NAA11: variants seen among roughly 807,000 people sequenced by gnomAD.
The protein encoded by NAA11 is N-alpha-acetyltransferase 11.
A neutral mutation model predicts 16.1 loss-of-function variants in NAA11; 15 were observed. The ratio of observed to expected loss-of-function variants is 0.93; its 90% CI spans 0.62 to 1.44. The LOEUF is 1.44. Ranked by LOEUF, NAA11 falls within the 40% of genes most tolerant of loss-of-function variation. NAA11 has a pLI of 0.00. For synonymous variants in NAA11, 122 were observed against 112.4 expected, an observed-to-expected ratio of 1.09 and a Z score of -0.54; for missense variants, 298 against 291.3, an observed-to-expected ratio of 1.02 and a Z score of -0.17.
chr4:79,293,182 A>G (rs909968046), intron 2 of NAA11, among the ~76,000 whole-genome samples: 11 of 152,126 alleles, frequency 7.2e-5, no homozygotes, highest in African/African-American at 2.7e-4. Context: ...ACTAAAGTAG[A>G]CCTCATTTAA....
rs140778402 is a variant in NAA11, at chr4:79,244,990, C to T, written c.*123-18720G>A. ...CTCGGCTCGCTAAAACCTCCACCTC[C>T]CAGCCACCTGCCCTGGCCTCCCAAA... On this transcript the variant is annotated intron_variant and NMD_transcript_variant, in intron 2 of 2. Transcript: ENST00000511542. 7.9e-3 allele frequency: 1,339 copies of T among 168,896 alleles called. 25 individuals are homozygous for T. The highest frequency in any genetic ancestry group is 0.03 in the African/African-American group (1,268 of 41,778). 10.5% of individuals were successfully genotyped at this position (168,896 alleles called of 1,614,324 possible).
At chr4:79,157,872 A>G in the NAA11 span, among the ~76,000 whole-genome samples, 1 of 151,638 alleles carries the variant, frequency 6.6e-6, no homozygotes, top group Non-Finnish European at 1.5e-5. Context: ...GTAAAGAAGA[A>G]GTCAAACTGT....
intron 2 of NAA11, among the ~76,000 whole-genome samples, chr4:79,250,822 G>C (rs977802086): frequency 6.6e-6 from 1 of 152,146 alleles, no homozygotes; most frequent in Non-Finnish European, 1.5e-5. Flanking sequence ...CTTGAAAAGA[G>C]AGTTTTCAAA....
chr4:79,200,399 G>A, the NAA11 span, among the ~76,000 whole-genome samples: 1 of 151,750 alleles, frequency 6.6e-6, no homozygotes, highest in Non-Finnish European at 1.5e-5. Flanking sequence ...AGGGAAGAAG[G>A]CATTCAGCAA....
intron 2 of NAA11, among the ~76,000 whole-genome samples, chr4:79,292,666 G>T (rs1286580740): frequency 6.6e-6 from 1 of 152,196 alleles, no homozygotes; most frequent in Non-Finnish European, 1.5e-5. Flanking sequence ...GGCTTTTCCA[G>T]ATGGGAATTA....
the NAA11 span, among the ~76,000 whole-genome samples, chr4:79,164,585 T>A: frequency 6.6e-6 from 1 of 152,164 alleles, no homozygotes; most frequent in African/African-American, 2.4e-5. Flanking sequence ...TGGGAAACAC[T>A]GCTAAACAGC....
rs575159698 is a variant in NAA11 at position 79,325,900 on chromosome 4, G to T, written c.-23C>A. ...CATAATGGCAGAGGGTAGGGAACCG[G>T]TTGGACTGCAGTGAACCCAGAAGAG... On this transcript the variant is annotated 5_prime_UTR_variant, in exon 1 of 2. Coordinates refer to ENST00000286794, the MANE Select transcript of NAA11 (RefSeq NM_032693.3). 6.3e-7 allele frequency: 1 copy of T among 1,585,792 alleles called. No individual in the cohort carries two copies. The highest frequency in any genetic ancestry group is 1.7e-5 in the Admixed American group (1 of 58,388).
At chr4:79,320,657 T>A (rs1724063947) in intron 1 of NAA11, among the ~76,000 whole-genome samples, 1 of 152,238 alleles carries the variant, frequency 6.6e-6, no homozygotes. Flanking sequence ...GTTTTCATAG[T>A]GTGAAGAGCA....
chr4:79,179,365 G>A, the NAA11 span, among the ~76,000 whole-genome samples: 1 of 151,994 alleles, frequency 6.6e-6, no homozygotes, highest in Non-Finnish European at 1.5e-5. Flanking sequence ...ATAAGATATG[G>A]TAAAGCTATT....
At chr4:79,324,482 T>C (rs746014310) in intron 1 of NAA11, among the ~76,000 whole-genome samples, 13 of 152,218 alleles carry the variant, frequency 8.5e-5, no homozygotes, top group Non-Finnish European at 1.3e-4. Context: ...GTGCCATTTA[T>C]TTGTTGAAGA....
At chr4:79,264,178 C>T (rs1372494054) in intron 2 of NAA11, among the ~76,000 whole-genome samples, 1 of 152,160 alleles carries the variant, frequency 6.6e-6, no homozygotes, top group African/African-American at 2.4e-5. Flanking sequence ...TAAACTGTTA[C>T]TAGTCTGTGA....
At chr4:79,243,970 G>A (rs947081749) in intron 2 of NAA11, among the ~76,000 whole-genome samples, 13 of 152,194 alleles carry the variant, frequency 8.5e-5, no homozygotes, top group South Asian at 2.1e-4. Context: ...TTGAGCATGC[G>A]CAGTGTGTTT....
At chr4:79,231,856 A>G (rs925050295) in intron 2 of NAA11, among the ~76,000 whole-genome samples, 17 of 151,780 alleles carry the variant, frequency 1.1e-4, no homozygotes, top group Non-Finnish European at 2.5e-4. Context: ...AATCCTGAAT[A>G]TGGAACATTT....
chr4:79,256,676 G>A (rs1241144045), intron 2 of NAA11, among the ~76,000 whole-genome samples: 1 of 72,036 alleles, frequency 1.4e-5, no homozygotes, highest in Non-Finnish European at 3.1e-5. Flanking sequence ...ATATTGACAC[G>A]AGGTCTCACT....
chr4:79,163,509 T>C, the NAA11 span, among the ~76,000 whole-genome samples: 1 of 152,234 alleles, frequency 6.6e-6, no homozygotes, highest in Admixed American at 6.5e-5. Context: ...TGTCACTGGG[T>C]CATCATTACA....
chr4:79,299,244 A>G (rs1471623964), intron 1 of NAA11: 2 of 152,246 alleles, frequency 1.3e-5, no homozygotes, highest in Non-Finnish European at 2.9e-5. Context: ...AAGAAAACCG[A>G]GGCATAGAGA....
At chr4:79,306,460 T>A (rs1723582337) in intron 1 of NAA11, among the ~76,000 whole-genome samples, 1 of 152,182 alleles carries the variant, frequency 6.6e-6, no homozygotes, top group African/African-American at 2.4e-5. Context: ...ATAAGGATAC[T>A]AGTCAAATCA....
the NAA11 span, among the ~76,000 whole-genome samples, chr4:79,201,567 A>T: frequency 2.4e-4 from 37 of 151,704 alleles, no homozygotes; most frequent in African/African-American, 8.4e-4. Flanking sequence ...ATTAATGGTA[A>T]AAACCCTTTG....
chr4:79,172,982 T>A, the NAA11 span, among the ~76,000 whole-genome samples: 2 of 152,114 alleles, frequency 1.3e-5, no homozygotes, highest in African/African-American at 4.8e-5. Flanking sequence ...GACTCCACAT[T>A]TCATTCTTTT....
Sources: allele counts gnomAD v4.1 joint callset (sites outside exome capture counted in the v4.1 genomes callset), GRCh38; gene constraint gnomAD v4.1.1; transcripts MANE v1.5; gene names NCBI Gene and HGNC (gene_info 2026-07-23, HGNC 2026-07-21).